EVI5: variants seen among roughly 807,000 people sequenced by gnomAD.
EVI5 encodes the protein ecotropic viral integration site 5 protein homolog.
EVI5 carries 73 observed loss-of-function variants against 112.0 expected under a neutral mutation model. That is an observed-to-expected ratio of 0.65 (90% confidence interval 0.54 to 0.79). EVI5 has a LOEUF of 0.79. Ranked by LOEUF, EVI5 falls within the 30% of genes least tolerant of loss-of-function variation. The pLI, the probability that EVI5 is intolerant of heterozygous loss-of-function variation, is 0.00. For missense variants in EVI5, 900 were observed against 968.8 expected (o/e 0.93, Z 0.94); for synonymous variants, 305 against 319.9 (o/e 0.95, Z 0.50).
intron 1 of EVI5, among the ~76,000 whole-genome samples, chr1:92,762,027 G>T (rs1681952634): frequency 6.6e-6 from 1 of 152,056 alleles, no homozygotes; most frequent in Admixed American, 6.6e-5. Context: ...ACTTATTTAA[G>T]CTAACAACTA....
upstream of EVI5, among the ~76,000 whole-genome samples, chr1:92,785,511 G>T (rs1685539289): frequency 6.6e-6 from 1 of 152,196 alleles, no homozygotes; most frequent in Non-Finnish European, 1.5e-5. Context: ...GGTGGCCTTA[G>T]GGCACTCGCA....
chr1:92,658,566 G>T (rs1663420170), intron 13 of EVI5, among the ~76,000 whole-genome samples: 1 of 152,086 alleles, frequency 6.6e-6, no homozygotes, highest in Non-Finnish European at 1.5e-5. Context: ...AAATACTGAT[G>T]AAATAAATTG....
chr1:92,769,042 A>G (rs1012689455), intron 1 of EVI5, among the ~76,000 whole-genome samples: 1 of 152,016 alleles, frequency 6.6e-6, no homozygotes, highest in Non-Finnish European at 1.5e-5. Flanking sequence ...CTATTCTGCC[A>G]TTTTTCTGAA....
Position 92,715,522 on chromosome 1 carries a change from T to A in EVI5, c.150-10778A>T, listed in dbSNP as rs188519771. ...GATGGCTGAATAGGAACAGCTCTGG[T>A]CTGCAGCTCCCAGCGTGATCGACGC... is the stretch of plus-strand genomic sequence containing the variant. On this transcript the variant is annotated intron_variant, in intron 2 of 19. Transcript: ENST00000684568. Among the ~76,000 whole-genome samples the A allele has an allele frequency of 1.2e-3, 178 of 152,262 alleles. 1 individual carries two copies. Among genetic ancestry groups the A allele is most frequent in the African/African-American group, 4.2e-3 (173 of 41,552 alleles).
At chr1:92,588,311 G>C (rs946239146) in intron 18 of EVI5, among the ~76,000 whole-genome samples, 1 of 152,012 alleles carries the variant, frequency 6.6e-6, no homozygotes, top group Non-Finnish European at 1.5e-5. Context: ...TACATAATTG[G>C]CTCTATTTAC....
chr1:92,561,348 TCTTTTCAA>T (rs1263260034), intron 19 of EVI5, among the ~76,000 whole-genome samples: 2 of 152,160 alleles, frequency 1.3e-5, no homozygotes, highest in African/African-American at 4.8e-5. Context: ...TTTTTTCCTT[TCTTTTCAA>T]AAAGATGCAG....
chr1:92,622,976 C>T (rs1258929034), intron 16 of EVI5, among the ~76,000 whole-genome samples: 1 of 152,188 alleles, frequency 6.6e-6, no homozygotes, highest in Admixed American at 6.5e-5. Context: ...ATGGCTGAGA[C>T]AGTGCTTTGT....
intron 1 of EVI5, among the ~76,000 whole-genome samples, chr1:92,749,695 T>C (rs879835645): frequency 6.6e-6 from 1 of 152,166 alleles, no homozygotes; most frequent in Admixed American, 6.6e-5. Context: ...CAAATCATGC[T>C]AACTTCAGAC....
At chr1:92,695,199 G>T in intron 7 of EVI5, 111 bp downstream of exon 7, 1 of 825,868 alleles carries the variant, frequency 1.2e-6, no homozygotes, top group Non-Finnish European at 1.9e-6. Flanking sequence ...CATGTAAGCA[G>T]TTTTGCATGG....
rs533580021 is a variant in EVI5 at position 92,528,730 on chromosome 1, T to G, written c.2167-14760A>C. ...CTATATGATTTCATTAGTAAAATGT[T>G]AAAAACCAGGGATCTCGTTTGTCAT... On this transcript the variant is annotated intron_variant, in intron 19 of 19. Coordinates refer to ENST00000684568, the MANE Select transcript of EVI5 (RefSeq NM_001350197.2). Among the ~76,000 whole-genome samples the G allele has an allele frequency of 3.3e-5, 5 of 152,282 alleles. No homozygotes were observed. The East Asian group carries it at 9.6e-4, about 29-fold the overall frequency.
chr1:92,519,915 A>G (rs1402536650), intron 19 of EVI5, among the ~76,000 whole-genome samples: 1 of 150,716 alleles, frequency 6.6e-6, no homozygotes, highest in Non-Finnish European at 1.5e-5. Flanking sequence ...AAAAAAAAAA[A>G]GAATATGAAA....
At chr1:92,717,000 T>C (rs1385769107) in intron 2 of EVI5, among the ~76,000 whole-genome samples, 2 of 151,640 alleles carry the variant, frequency 1.3e-5, no homozygotes, top group Non-Finnish European at 1.5e-5. Context: ...TAAAGGAGGA[T>C]GTTCGAACCC....
chr1:92,585,803 C>T (rs1571710914), intron 18 of EVI5, among the ~76,000 whole-genome samples: 1 of 151,668 alleles, frequency 6.6e-6, no homozygotes, highest in Admixed American at 6.6e-5. Flanking sequence ...TACATTACTA[C>T]TAAAGTCCTT....
At chr1:92,622,453 A>G (rs1312092610) in intron 16 of EVI5, 1 of 223,354 alleles carries the variant, frequency 4.5e-6, no homozygotes, top group Non-Finnish European at 9.2e-6. Context: ...TCAGAGTAGC[A>G]CTGTTTGCAA....
intron 14 of EVI5, among the ~76,000 whole-genome samples, chr1:92,630,572 T>C (rs1656804710): frequency 6.8e-6 from 1 of 147,546 alleles, no homozygotes; most frequent in African/African-American, 2.4e-5. Context: ...ATATTAGCCC[T>C]TCGTCAGATA....
chr1:92,697,211 C>T (rs1670461917), intron 6 of EVI5, among the ~76,000 whole-genome samples: 1 of 151,866 alleles, frequency 6.6e-6, no homozygotes, highest in Non-Finnish European at 1.5e-5. Context: ...TTAAATTCTG[C>T]TCATTTAATT....
In EVI5 at chr1:92,509,417, C is replaced by G. The variant is rs1659051004; in HGVS notation, c.*4239G>C. The stretch of plus-strand genomic sequence containing the variant: ...ACCTAGTATCTAGCCAAAAAACAAA[C>G]AAACAAACAAACAAACAAAAAAGAC... On this transcript the variant is annotated 3_prime_UTR_variant, in exon 20 of 20. Transcript: ENST00000684568. 6.6e-6 allele frequency: 1 copy of G among 152,292 alleles called. No individual in the cohort carries two copies. Among genetic ancestry groups the G allele is most frequent in the Non-Finnish European group, 1.5e-5 (1 of 68,148 alleles). The allele number at this position is 152,292 out of a possible 1,614,324, so 9.4% of individuals were successfully genotyped here.
chr1:92,643,406 G>C (rs67646822), intron 13 of EVI5, among the ~76,000 whole-genome samples: 29,791 of 149,926 alleles, frequency 0.2, 3,486 homozygotes, highest in Middle Eastern at 0.26. Flanking sequence ...AGCCTCCCCA[G>C]TAGCTAGGAC....
At chr1:92,712,091 T>C (rs193208519) in intron 2 of EVI5, among the ~76,000 whole-genome samples, 10 of 152,282 alleles carry the variant, frequency 6.6e-5, no homozygotes, top group South Asian at 2.1e-4. Flanking sequence ...CCTTTGGGAT[T>C]AGCTTTCAAC....
Sources: allele counts gnomAD v4.1 joint callset (sites outside exome capture counted in the v4.1 genomes callset), GRCh38; gene constraint gnomAD v4.1.1; transcripts MANE v1.5; gene names NCBI Gene and HGNC (gene_info 2026-07-23, HGNC 2026-07-21).